Variants in NARF observed in about 807,000 individuals in gnomAD.
NARF encodes iron-only hydrogenase-like protein 2.
A neutral mutation model predicts 48.0 loss-of-function variants in NARF; 41 were observed. That is an observed-to-expected ratio of 0.85 (90% CI 0.66 to 1.11). The LOEUF (loss-of-function observed/expected upper bound fraction) is 1.11. NARF is among the 50% of genes least tolerant of loss of function. The pLI is 0.00. For missense variants in NARF, 613 were observed against 590.2 expected (o/e 1.04, Z -0.40); for synonymous variants, 215 against 225.5 (o/e 0.95, Z 0.42).
chr17:82,461,689 C>T (rs747340751), intron 2 of NARF, among the ~76,000 whole-genome samples: 1 of 152,238 alleles, frequency 6.6e-6, no homozygotes, highest in African/African-American at 2.4e-5. Flanking sequence ...GCCATTATCC[C>T]TGTTTTACTG....
At chr17:82,473,575 TCTC>T (rs2043766803) in intron 5 of NARF, among the ~76,000 whole-genome samples, 2 of 150,980 alleles carry the variant, frequency 1.3e-5, no homozygotes, top group African/African-American at 4.9e-5. Flanking sequence ...ATGGTCTCGA[TCTC>T]CTGACCTCGT....
At chr17:82,483,809 G>A (rs760994815) in intron 8 of NARF, 30 bp downstream of exon 8, 1 of 1,607,958 alleles carries the variant, frequency 6.2e-7, no homozygotes, top group Non-Finnish European at 8.5e-7. Context: ...AGAGTCCTCT[G>A]GGGGGCAGGA....
chr17:82,469,753 G>A (rs771245196), intron 4 of NARF, among the ~76,000 whole-genome samples: 23 of 152,006 alleles, frequency 1.5e-4, no homozygotes, highest in Admixed American at 4.6e-4. Context: ...CTACAGGTGC[G>A]CGCCACCACT....
chr17:82,469,324 G>A (rs529405635), intron 4 of NARF, among the ~76,000 whole-genome samples: 6 of 152,324 alleles, frequency 3.9e-5, no homozygotes, highest in African/African-American at 1.2e-4. Flanking sequence ...GAGCAGAAAG[G>A]GAATGGGCTT....
chr17:82,461,228 T>C (rs756290390), intron 2 of NARF, among the ~76,000 whole-genome samples: 3 of 152,060 alleles, frequency 2.0e-5, no homozygotes, highest in Non-Finnish European at 4.4e-5. Flanking sequence ...CTGGCCTCTC[T>C]TCTAATTCAG....
rs201607225 is a variant in NARF at position 82,488,178 on chromosome 17, G to T, written c.*21G>T. The T allele has an allele frequency of 1.1e-4, 181 of 1,608,174 alleles. 1 individual carries two copies. The African/African-American group carries it at 2.2e-3, about 20-fold the overall frequency. On this transcript the variant is annotated 3_prime_UTR_variant, in exon 11 of 11. Transcript: ENST00000309794. Reference sequence around the variant, plus strand: ...GGTGAAGTCAGGCCAGGGCCTTCCAGCTGCTCTTGGGGCCAGAGCCAAGAG... The same window carrying T: ...GGTGAAGTCAGGCCAGGGCCTTCCATCTGCTCTTGGGGCCAGAGCCAAGAG...
At chr17:82,479,349 TTC>T (rs1186804462) in intron 6 of NARF, 1 of 163,662 alleles carries the variant, frequency 6.1e-6, no homozygotes, top group South Asian at 1.6e-4. Flanking sequence ...GCCCTGGCCT[TTC>T]CCTCAGACCA....
chr17:82,464,592 A>C (rs73999929), intron 3 of NARF, among the ~76,000 whole-genome samples, 162 bp downstream of exon 3: 2 of 152,144 alleles, frequency 1.3e-5, no homozygotes, highest in South Asian at 4.1e-4. Flanking sequence ...AAACCTCTCC[A>C]TCAAGAGCAA....
At chr17:82,459,949 A>T in intron 1 of NARF, 43 bp from the exon 2 acceptor site, 7 of 1,450,188 alleles carry the variant, frequency 4.8e-6, no homozygotes, top group Non-Finnish European at 6.8e-6. Flanking sequence ...CTTAAGGGAG[A>T]CGAAGTAAAA....
At chr17:82,480,697 C>T (rs1313742780) in intron 6 of NARF, 2 of 440,312 alleles carry the variant, frequency 4.5e-6, no homozygotes, top group East Asian at 3.3e-5. Flanking sequence ...CTTTGGAGGC[C>T]GAGGCGGGCA....
chr17:82,472,555 C>G lies in NARF; in HGVS notation c.386-9C>G, dbSNP rs780528143. 6.2e-7 allele frequency: 1 copy of G among 1,607,040 alleles called. No individual in the cohort carries two copies. Among genetic ancestry groups the G allele is most frequent in the Non-Finnish European group, 8.5e-7 (1 of 1,176,910 alleles). On this transcript the variant is annotated splice_polypyrimidine_tract_variant and intron_variant, in intron 4 of 10. Coordinates refer to ENST00000309794, the MANE Select transcript of NARF (RefSeq NM_012336.4). ...TGATTTAAGCTGAATATGCTCCTCTCTCCTGCAGGGGTGCACTATGTATTT... is the reference window on the plus strand; with the variant it reads ...TGATTTAAGCTGAATATGCTCCTCTGTCCTGCAGGGGTGCACTATGTATTT...
Position 82,478,845 on chromosome 17 carries a change from C to T in NARF, c.566C>T (p.Ala189Val). Residue 189 changes from alanine (A) to valine (V), a missense_variant, in exon 6 of 11, where the codon GCC (alanine) becomes GTC (valine). By Grantham distance (64) the Ala-to-Val change is moderately conservative. Coordinates refer to ENST00000309794, the MANE Select transcript of NARF (RefSeq NM_012336.4). ...AERVLGRPIT[A>V]HLCTAKSPQQ... is the part of the protein sequence containing the mutation. Reference sequence around the variant, plus strand: ...CGGGTGCTGGGTCGCCCCATCACTGCCCACCTCTGCACCGCCAAGTCCCCC... The same window carrying T: ...CGGGTGCTGGGTCGCCCCATCACTGTCCACCTCTGCACCGCCAAGTCCCCC... 1 of 1,614,074 alleles carries T rather than the reference C, an allele frequency of 6.2e-7. No homozygotes were observed. Among genetic ancestry groups the T allele is most frequent in the Non-Finnish European group, 8.5e-7 (1 of 1,180,004 alleles).
At chr17:82,486,815 T>G (rs2044105633) in intron 10 of NARF, among the ~76,000 whole-genome samples, 1 of 152,160 alleles carries the variant, frequency 6.6e-6, no homozygotes, top group African/African-American at 2.4e-5. Context: ...CCAGGGAAAT[T>G]TGCTCCAGAT....
chr17:82,488,403 T>C lies in NARF; in HGVS notation c.*246T>C. On this transcript the variant is annotated 3_prime_UTR_variant, in exon 11 of 11. Coordinates refer to ENST00000309794, the MANE Select transcript of NARF (RefSeq NM_012336.4). ...TTCTTTTTTTTTTTTTGAGACGGAG[T>C]CTCACTCTGTCACCCAGGCTGGAGT... The C allele has an allele frequency of 2.2e-6, 1 of 456,644 alleles. No homozygotes were observed. Among genetic ancestry groups the C allele is most frequent in the South Asian group, 2.8e-5 (1 of 35,492 alleles). The allele number at this position is 456,644 out of a possible 1,614,324, so 28.3% of individuals were successfully genotyped here.
intron 10 of NARF, 128 bp from the exon 11 acceptor site, chr17:82,487,788 C>CCAAAAG: frequency 7.9e-6 from 6 of 759,766 alleles, no homozygotes; most frequent in South Asian, 1.7e-5. Context: ...CCCTCCCGCC[C>CCAAAAG]AATCTCTACA....
At chr17:82,466,148 G>A (rs2043561461) in intron 3 of NARF, among the ~76,000 whole-genome samples, 1 of 152,162 alleles carries the variant, frequency 6.6e-6, no homozygotes, top group Admixed American at 6.5e-5. Flanking sequence ...CAGACTACTA[G>A]AGACTTAATT....
intron 3 of NARF, 169 bp from the exon 4 acceptor site, chr17:82,468,595 C>A (rs2043625090): frequency 1.5e-6 from 1 of 657,280 alleles, no homozygotes; most frequent in African/African-American, 1.9e-5. Context: ...TCACCATAAT[C>A]CTGATTTTTT....
At chr17:82,477,677 G>C (rs1324982443) in intron 5 of NARF, 1 of 152,124 alleles carries the variant, frequency 6.6e-6, no homozygotes, top group Non-Finnish European at 1.5e-5. Flanking sequence ...ACCACGCCTG[G>C]ATGATTTTTT....
intron 2 of NARF, chr17:82,460,810 C>G (rs1489274963): frequency 6.6e-6 from 1 of 152,292 alleles, no homozygotes; most frequent in Non-Finnish European, 1.5e-5. Context: ...ATGTGTGAGA[C>G]AGTCCATCAG....
Sources: gnomAD v4.1 joint callset for allele counts (sites outside exome capture counted in the v4.1 genomes callset) on GRCh38, gnomAD v4.1.1 for gene constraint, MANE v1.5 for transcripts, NCBI Gene and HGNC (gene_info 2026-07-23, HGNC 2026-07-21) for gene names.